The following PRKCE variants were observed in gnomAD, a reference collection of about 807,000 sequenced individuals.
PRKCE encodes protein kinase C epsilon type.
Under a neutral mutation model 85.4 loss-of-function variants are expected in PRKCE, and 16 were observed. The observed-to-expected ratio is 0.19, with a 90% CI of 0.13 to 0.28. PRKCE has a LOEUF of 0.28. Among genes scored for constraint, PRKCE ranks in the 10% least tolerant of loss-of-function variants. PRKCE has a pLI of 1.00. For missense variants in PRKCE, 573 were observed against 975.2 expected, an observed-to-expected ratio of 0.59 and a Z score of 5.49; for synonymous variants, 388 against 371.5, an observed-to-expected ratio of 1.04 and a Z score of -0.51.
intron 10 of PRKCE, among the ~76,000 whole-genome samples, chr2:46,083,890 A>T (rs1669337292): frequency 6.6e-6 from 1 of 152,250 alleles, no homozygotes; most frequent in Non-Finnish European, 1.5e-5. Flanking sequence ...CAGATGCAAG[A>T]TACCTAGGCA....
At chr2:46,129,904 A>G (rs553407711) in intron 11 of PRKCE, among the ~76,000 whole-genome samples, 2 of 152,256 alleles carry the variant, frequency 1.3e-5, no homozygotes, top group Non-Finnish European at 2.9e-5. Context: ...CAGAACACTT[A>G]TGTTTTCAAA....
rs1427067490 is a variant in PRKCE at position 45,774,774 on chromosome 2, C to G, written c.349-68226C>G. Among the ~76,000 whole-genome samples the G allele has an allele frequency of 6.6e-6, 1 of 152,102 alleles. No homozygotes were observed. The highest frequency in any genetic ancestry group is 1.5e-5 in the Non-Finnish European group (1 of 68,028). On this transcript the variant is annotated intron_variant, in intron 1 of 14. Transcript: ENST00000306156. This position sits in a 1 kb window ranked among gnomAD's most constrained non-coding sequence, Gnocchi z 4.3. ...TTGACTCTTTCCTGGAGGGACCCAC[C>G]CAAGCTGCACATTCCCAGGGCCAGT...
rs115636663 is a variant in PRKCE, at chr2:45,768,710, C to T, written c.349-74290C>T. Among the ~76,000 whole-genome samples, 498 of 152,286 alleles carry T rather than the reference C, an allele frequency of 3.3e-3. 4 individuals carry two copies. The highest frequency in any genetic ancestry group is 0.011 in the African/African-American group (460 of 41,568). ...ATCCAAATGCTCTGTCTTTCACATG[C>T]GAGATGAAGGAAAACCCATTTCTAC... is the stretch of plus-strand genomic sequence containing the variant. On this transcript the variant is annotated intron_variant, in intron 1 of 14. Transcript: ENST00000306156.
At chr2:45,898,084 C>T (rs1432551976) in intron 2 of PRKCE, among the ~76,000 whole-genome samples, 3 of 152,256 alleles carry the variant, frequency 2.0e-5, no homozygotes, top group Admixed American at 6.5e-5. Flanking sequence ...GCAGGCCCCT[C>T]GTGATAGAGA....
chr2:45,727,349 C>A (rs746766442), intron 1 of PRKCE, among the ~76,000 whole-genome samples: 1 of 152,080 alleles, frequency 6.6e-6, no homozygotes, highest in Non-Finnish European at 1.5e-5. Flanking sequence ...CAAGCAATGG[C>A]GGAATGTTGT....
rs182630056 is a variant in PRKCE, at chr2:45,794,552, C to T, written c.349-48448C>T. On this transcript the variant is annotated intron_variant, in intron 1 of 14. Coordinates refer to ENST00000306156, the MANE Select transcript of PRKCE (RefSeq NM_005400.3). ...ATGCACGGCTTTCTGTGGTTTCAAG[C>T]GCCTGGGGAGGAACCTGGGCAAGGC... Among the ~76,000 whole-genome samples, 915 of 152,208 alleles carry T rather than the reference C, an allele frequency of 6.0e-3. 3 individuals carry two copies. The highest frequency in any genetic ancestry group is 7.8e-3 in the Non-Finnish European group (530 of 68,004).
At chr2:45,721,633 A>T (rs1013269665) in intron 1 of PRKCE, among the ~76,000 whole-genome samples, 6 of 152,160 alleles carry the variant, frequency 3.9e-5, no homozygotes, top group African/African-American at 1.4e-4. Flanking sequence ...GCGACTCTGG[A>T]GGCTGAGGCT....
intron 1 of PRKCE, chr2:45,678,057 C>G (rs2103900979): frequency 4.5e-6 from 1 of 220,874 alleles, no homozygotes; most frequent in Admixed American, 6.5e-5. Flanking sequence ...AGGGGGAAAA[C>G]TTTGTGGTCA....
At chr2:45,669,414 A>G (rs895782735) in intron 1 of PRKCE, among the ~76,000 whole-genome samples, 1 of 152,200 alleles carries the variant, frequency 6.6e-6, no homozygotes, top group Admixed American at 6.5e-5. Context: ...GCACTCCTTC[A>G]CAAGTCTCTC....
intron 1 of PRKCE, among the ~76,000 whole-genome samples, chr2:45,706,654 C>T (rs995243290): frequency 6.6e-6 from 1 of 152,158 alleles, no homozygotes; most frequent in Non-Finnish European, 1.5e-5. Flanking sequence ...TCCTGTTTAT[C>T]CTGAGGCAGG....
At chr2:45,703,968 T>C (rs999293967) in intron 1 of PRKCE, among the ~76,000 whole-genome samples, 5 of 152,206 alleles carry the variant, frequency 3.3e-5, no homozygotes, top group African/African-American at 1.2e-4. Flanking sequence ...CAGATTTAAA[T>C]TTCACCTGGG....
chr2:45,796,971 A>T (rs1390283688), intron 1 of PRKCE, among the ~76,000 whole-genome samples: 1 of 152,206 alleles, frequency 6.6e-6, no homozygotes, highest in Non-Finnish European at 1.5e-5. Context: ...AGAACAGTTA[A>T]GACATCATTG....
chr2:45,963,436 G>C (rs761723790), intron 2 of PRKCE, among the ~76,000 whole-genome samples: 2 of 152,144 alleles, frequency 1.3e-5, no homozygotes, highest in Non-Finnish European at 2.9e-5. Flanking sequence ...AGCCTCCCGA[G>C]TAGCTGGGAT....
At chr2:45,781,483 C>A (rs1429410894) in intron 1 of PRKCE, among the ~76,000 whole-genome samples, 1 of 152,138 alleles carries the variant, frequency 6.6e-6, no homozygotes. Context: ...ACCTTAATGA[C>A]AATTTGTTTG....
chr2:45,966,296 A>G (rs1213917977), intron 2 of PRKCE, among the ~76,000 whole-genome samples: 1 of 152,180 alleles, frequency 6.6e-6, no homozygotes, highest in Non-Finnish European at 1.5e-5. Flanking sequence ...TGCTCCCACA[A>G]ACGTGTGCGT....
At position 45,843,058 on chromosome 2, in the gene PRKCE, G is replaced by A; in HGVS notation, c.407G>A (p.Gly136Asp). The A allele has an allele frequency of 2.5e-6, 4 of 1,614,128 alleles. No homozygotes were observed. Among genetic ancestry groups the A allele is most frequent in the Non-Finnish European group, 3.4e-6 (4 of 1,179,954 alleles). The change falls in exon 2 of 15, where the codon GGT (glycine) becomes GAT (aspartate). Residue 136 changes from glycine to aspartate, a missense_variant. By Grantham distance (94) the Gly-to-Asp change is moderately conservative (BLOSUM62 -1). Coordinates refer to ENST00000306156, the MANE Select transcript of PRKCE (RefSeq NM_005400.3). ...YVIIDLSGSS[G>D]EAPKDNEERV... Reference sequence around the variant, plus strand: ...ATCATCGATCTCTCAGGGTCGTCGGGTGAAGGTAGGAGAGCGTGACTTCTC... The same window carrying A: ...ATCATCGATCTCTCAGGGTCGTCGGATGAAGGTAGGAGAGCGTGACTTCTC...
intron 2 of PRKCE, among the ~76,000 whole-genome samples, chr2:45,951,930 T>G (rs1482247376): frequency 6.6e-6 from 1 of 152,230 alleles, no homozygotes; most frequent in Non-Finnish European, 1.5e-5. Flanking sequence ...CCTCCTGGGT[T>G]CAAGCTATTC....
intron 10 of PRKCE, among the ~76,000 whole-genome samples, chr2:46,030,337 C>T (rs969458128): frequency 2.0e-5 from 3 of 152,212 alleles, no homozygotes; most frequent in Non-Finnish European, 2.9e-5. Context: ...TCCTTTAAAC[C>T]CACATGGGGC....
intron 11 of PRKCE, among the ~76,000 whole-genome samples, chr2:46,107,591 G>C (rs1018700861): frequency 6.6e-6 from 1 of 152,206 alleles, no homozygotes; most frequent in Non-Finnish European, 1.5e-5. Context: ...GCAATTGCTG[G>C]ATTATATGGA....
Sources: allele counts gnomAD v4.1 joint callset (sites outside exome capture counted in the v4.1 genomes callset), GRCh38; gene constraint gnomAD v4.1.1; non-coding constraint Gnocchi (gnomAD v3.1); transcripts MANE v1.5; gene names NCBI Gene and HGNC (gene_info 2026-07-23, HGNC 2026-07-21).